Variants in KCNMB2 observed in about 807,000 individuals in gnomAD.
The protein encoded by KCNMB2 is potassium calcium-activated channel subfamily M regulatory beta subunit 2.
KCNMB2 carries 9 observed loss-of-function variants against 24.5 expected under a neutral mutation model. The ratio of observed to expected loss-of-function variants is 0.37; its 90% confidence interval spans 0.22 to 0.64. KCNMB2 has a LOEUF of 0.64. Ranked by LOEUF, KCNMB2 falls within the 30% of genes least tolerant of loss-of-function variation. The probability of loss-of-function intolerance (pLI) is 0.63; values close to 1 mark genes in which losing one functional copy is unlikely to be tolerated. For missense variants in KCNMB2, 226 were observed against 284.3 expected (o/e 0.79, Z 1.47); for synonymous variants, 109 against 104.4 (o/e 1.04, Z -0.27).
intron 1 of KCNMB2, among the ~76,000 whole-genome samples, chr3:178,765,633 G>A (rs77198530): frequency 0.14 from 21,283 of 152,180 alleles, 1,844 homozygotes; most frequent in Admixed American, 0.18. Flanking sequence ...GTGTGTGCAC[G>A]CGCGTGTGCA....
intron 1 of KCNMB2, among the ~76,000 whole-genome samples, chr3:178,581,852 A>T (rs2108490006): frequency 6.6e-6 from 1 of 152,376 alleles, no homozygotes; most frequent in African/African-American, 2.4e-5. Context: ...GCAATCATTA[A>T]AAAGGCAGGA....
chr3:178,595,156 T>C (rs961527973), intron 1 of KCNMB2, among the ~76,000 whole-genome samples: 2 of 151,946 alleles, frequency 1.3e-5, no homozygotes, highest in African/African-American at 4.8e-5. Context: ...ATTAAAAATT[T>C]GTCACATCCT....
At chr3:178,691,287 G>A (rs921194697) in intron 1 of KCNMB2, among the ~76,000 whole-genome samples, 2 of 128,142 alleles carry the variant, frequency 1.6e-5, no homozygotes, top group Non-Finnish European at 3.3e-5. Context: ...AGGAGTACAT[G>A]TGCAGGTTTT....
chr3:178,822,485 C>T (rs995996427), intron 2 of KCNMB2, among the ~76,000 whole-genome samples: 11 of 152,200 alleles, frequency 7.2e-5, no homozygotes, highest in African/African-American at 2.7e-4. Context: ...GGGGCAGGGG[C>T]CATATCCCCA....
At chr3:178,707,478 T>A (rs1722316086) in intron 1 of KCNMB2, among the ~76,000 whole-genome samples, 1 of 152,092 alleles carries the variant, frequency 6.6e-6, no homozygotes, top group Non-Finnish European at 1.5e-5. Context: ...ACCTCACAGC[T>A]CCTCTCAGAT....
Position 178,807,416 on chromosome 3 carries a change from A to T in KCNMB2, c.7A>T (p.Ile3Leu), listed in dbSNP as rs1442118540. 1.9e-6 allele frequency: 3 copies of T among 1,613,818 alleles called. No individual in the cohort carries two copies. The highest frequency in any genetic ancestry group is 1.1e-5 in the South Asian group (1 of 91,046). The part of the protein sequence containing the change: MF[I>L]WTSGRTSSSY... ...TGGACCAACATTCTCTAAGATGTTT[A>T]TATGGACCAGTGGCCGGACCTCTTC... Residue 3 changes from isoleucine (I) to leucine (L), a missense_variant, in exon 2 of 5, where the codon ATA becomes TTA. By Grantham distance (5) the Ile-to-Leu change is conservative. Transcript: ENST00000452583.
chr3:178,740,066 T>G (rs1723444502), intron 1 of KCNMB2, among the ~76,000 whole-genome samples: 1 of 152,122 alleles, frequency 6.6e-6, no homozygotes, highest in African/African-American at 2.4e-5. Context: ...TGATTTGAAA[T>G]GTCAGCAAGT....
intron 1 of KCNMB2, among the ~76,000 whole-genome samples, chr3:178,607,002 C>G (rs531367488): frequency 6.6e-6 from 1 of 152,138 alleles, no homozygotes; most frequent in African/African-American, 2.4e-5. Context: ...GACTTCCCAG[C>G]CTTCAGAACT....
At chr3:178,812,129 A>G (rs1259230808) in intron 2 of KCNMB2, among the ~76,000 whole-genome samples, 2 of 152,154 alleles carry the variant, frequency 1.3e-5, no homozygotes, top group South Asian at 2.1e-4. Context: ...ATAAAAGTCC[A>G]TATTAATTAT....
intron 1 of KCNMB2, among the ~76,000 whole-genome samples, chr3:178,633,656 T>C (rs1161636395): frequency 6.6e-6 from 1 of 152,190 alleles, no homozygotes; most frequent in Non-Finnish European, 1.5e-5. Context: ...GGGCCTGTGA[T>C]GGGAGGGGCT....
intron 1 of KCNMB2, among the ~76,000 whole-genome samples, chr3:178,599,941 G>T (rs563839278): frequency 5.3e-5 from 8 of 152,276 alleles, no homozygotes; most frequent in African/African-American, 1.7e-4. Flanking sequence ...CAAGTGGCAT[G>T]ATCTTGGCTC....
chr3:178,690,523 A>G (rs536181589), intron 1 of KCNMB2, among the ~76,000 whole-genome samples: 42 of 152,274 alleles, frequency 2.8e-4, no homozygotes, highest in African/African-American at 9.9e-4. Context: ...GAGGAGGAGA[A>G]TGAGAAGGAA....
intron 1 of KCNMB2, among the ~76,000 whole-genome samples, chr3:178,545,468 C>T (rs1026780466): frequency 2.0e-5 from 3 of 152,210 alleles, no homozygotes; most frequent in Admixed American, 6.5e-5. Flanking sequence ...AAGTAAAACT[C>T]TGAGAAAGTT....
At chr3:178,747,030 C>T (rs1219234628) in intron 1 of KCNMB2, 1 of 152,624 alleles carries the variant, frequency 6.6e-6, no homozygotes, top group Non-Finnish European at 1.5e-5. Flanking sequence ...TTTCAGGTAT[C>T]TTTTCCACAG....
intron 1 of KCNMB2, among the ~76,000 whole-genome samples, chr3:178,694,769 G>A (rs1297765513): frequency 1.3e-5 from 2 of 152,238 alleles, no homozygotes; most frequent in Non-Finnish European, 2.9e-5. Flanking sequence ...CTGCCCATGT[G>A]GCTTTGAAAG....
intron 1 of KCNMB2, 53 bp from the exon 2 acceptor site, chr3:178,807,290 C>G (rs918405175): frequency 1.4e-6 from 1 of 704,936 alleles, no homozygotes; most frequent in Middle Eastern, 3.1e-4. Context: ...ATGTAAGAGT[C>G]AATCCACTGA....
At chr3:178,788,415 A>G (rs972125585) in intron 1 of KCNMB2, among the ~76,000 whole-genome samples, 5 of 152,168 alleles carry the variant, frequency 3.3e-5, no homozygotes, top group African/African-American at 1.2e-4. Flanking sequence ...GGTTCTTTGG[A>G]AAAAAATCAA....
chr3:178,646,422 T>A (rs1349598455), intron 1 of KCNMB2, among the ~76,000 whole-genome samples: 1 of 152,192 alleles, frequency 6.6e-6, no homozygotes, highest in Admixed American at 6.5e-5. Context: ...CCAAACTTAG[T>A]ATAATTTAGC....
chr3:178,727,881 C>T (rs1035827861), intron 1 of KCNMB2, among the ~76,000 whole-genome samples: 1 of 152,002 alleles, frequency 6.6e-6, no homozygotes, highest in Non-Finnish European at 1.5e-5. Context: ...TAATATAATC[C>T]CCTCCAGGCC....
Sources: allele counts gnomAD v4.1 joint callset (sites outside exome capture counted in the v4.1 genomes callset), GRCh38; gene constraint gnomAD v4.1.1; transcripts MANE v1.5; gene names NCBI Gene and HGNC (gene_info 2026-07-23, HGNC 2026-07-21).